The following NDUFA8 variants were observed in gnomAD, a reference collection of about 807,000 sequenced individuals.
NDUFA8 encodes NADH:ubiquinone oxidoreductase subunit A8.
In NDUFA8, 16 loss-of-function variants were observed where a neutral mutation model predicts 20.9. The ratio of observed to expected loss-of-function variants is 0.77; its 90% CI spans 0.52 to 1.16. The LOEUF is 1.16. Among genes scored for constraint, NDUFA8 ranks in the 50% most tolerant of loss-of-function variants. The pLI, the probability that NDUFA8 is intolerant of heterozygous loss-of-function variation, is 0.00. For synonymous variants in NDUFA8, 70 were observed against 76.1 expected, an observed-to-expected ratio of 0.92 and a Z score of 0.41; for missense variants, 202 against 216.4, an observed-to-expected ratio of 0.93 and a Z score of 0.42.
In NDUFA8 at chr9:122,144,203, T is replaced by C. The variant is rs1564407396; in HGVS notation, c.*38A>G. 6.2e-7 allele frequency: 1 copy of C among 1,612,806 alleles called. No individual in the cohort carries two copies. Among genetic ancestry groups the C allele is most frequent in the South Asian group, 1.1e-5 (1 of 91,002 alleles). On this transcript the variant is annotated 3_prime_UTR_variant, in exon 4 of 4. Coordinates refer to ENST00000373768, the MANE Select transcript of NDUFA8 (RefSeq NM_014222.3). ...GCATGGGCGTTTTCATCAGTCGTTG[T>C]CTGAGCACATGACCGAGTGTGGGCC...
At chr9:122,139,116 GC>G (rs1828784435), downstream of NDUFA8, among the ~76,000 whole-genome samples, 1 of 152,176 alleles carries the variant, frequency 6.6e-6, no homozygotes, top group South Asian at 2.1e-4. Flanking sequence ...CCTGCATTAG[GC>G]TCTTCCACAC....
the NDUFA8 span, among the ~76,000 whole-genome samples, chr9:122,133,719 A>G: frequency 1.7e-4 from 26 of 152,346 alleles, no homozygotes; most frequent in African/African-American, 5.5e-4. Context: ...AGGGTCAGGC[A>G]GCCTTGGCCA....
chr9:122,152,793 T>C (rs926351659), intron 1 of NDUFA8, among the ~76,000 whole-genome samples: 1 of 152,122 alleles, frequency 6.6e-6, no homozygotes, highest in African/African-American at 2.4e-5. Context: ...ACTTTTACAA[T>C]AGTCTCATGA....
downstream of NDUFA8, among the ~76,000 whole-genome samples, chr9:122,141,084 A>C (rs1588289210): frequency 6.6e-6 from 1 of 152,360 alleles, no homozygotes; most frequent in East Asian, 1.9e-4. Flanking sequence ...GCTACGGGGA[A>C]GGACTGTTTC....
intron 3 of NDUFA8, among the ~76,000 whole-genome samples, chr9:122,145,513 C>T (rs1828892871): frequency 6.6e-6 from 1 of 151,736 alleles, no homozygotes; most frequent in African/African-American, 2.4e-5. Flanking sequence ...ACTCTTAAGT[C>T]ACCTCATGTA....
At position 122,150,461 on chromosome 9, in the gene NDUFA8, T is replaced by C. The variant is rs537047261; in HGVS notation, c.215+1784A>G. On this transcript the variant is annotated intron_variant, in intron 2 of 3. Transcript: ENST00000373768. ...AAGCAATACAGTTCAAGAGCCATAA[T>C]GATGTTCAAAGCCCTTTATAGAGTA... is the stretch of plus-strand genomic sequence containing the variant. Among the ~76,000 whole-genome samples, 69 of 126,380 alleles carry C rather than the reference T, an allele frequency of 5.5e-4. 1 individual carries two copies. The highest frequency in any genetic ancestry group is 9.7e-4 in the Admixed American group (12 of 12,356). 82.9% of individuals were successfully genotyped at this position (126,380 alleles called of 152,430 possible).
intron 1 of NDUFA8, among the ~76,000 whole-genome samples, chr9:122,158,994 T>C (rs897695089): frequency 2.0e-5 from 3 of 152,266 alleles, no homozygotes; most frequent in South Asian, 4.1e-4. Flanking sequence ...TGCCTCTTTA[T>C]GTGTCTGTCT....
chr9:122,139,301 G>A (rs1035829089), downstream of NDUFA8, among the ~76,000 whole-genome samples: 1 of 152,300 alleles, frequency 6.6e-6, no homozygotes, highest in African/African-American at 2.4e-5. Flanking sequence ...AGCTCAAACT[G>A]CGCTTGCTCT....
rs1554800482 is a variant in NDUFA8, at chr9:122,159,693, G to A, written c.-16C>T. On this transcript the variant is annotated 5_prime_UTR_variant, in exon 1 of 4. Transcript: ENST00000373768. Reference sequence around the variant, plus strand: ...TCCCCGGCATGACGGCTGCAGCCCCGACCCCGACGAGAAGCCCTCAGCCGC... The same window carrying A: ...TCCCCGGCATGACGGCTGCAGCCCCAACCCCGACGAGAAGCCCTCAGCCGC... 3 of 1,614,048 alleles carry A rather than the reference G, an allele frequency of 1.9e-6. No individual in the cohort carries two copies. Among genetic ancestry groups the A allele is most frequent in the South Asian group, 2.2e-5 (2 of 91,070 alleles).
intron 2 of NDUFA8, among the ~76,000 whole-genome samples, chr9:122,149,104 C>T (rs1446159907): frequency 5.3e-5 from 8 of 152,166 alleles, no homozygotes; most frequent in Non-Finnish European, 1.0e-4. Context: ...ACCTCTTTCT[C>T]CCAATGAAAT....
the NDUFA8 span, among the ~76,000 whole-genome samples, chr9:122,137,170 A>C: frequency 6.6e-6 from 1 of 152,092 alleles, no homozygotes; most frequent in Admixed American, 6.5e-5. Flanking sequence ...AAGCCCTCAT[A>C]ATAATCCTCT....
rs1828861151 is a variant in NDUFA8, at chr9:122,144,089, G to A, written c.*152C>T. ...TTAAAAATTTTAATGGACAGGAAAT[G>A]GTATAGAATAACTGCCAAGTCACAT... is the stretch of plus-strand genomic sequence containing the variant. On this transcript the variant is annotated 3_prime_UTR_variant, in exon 4 of 4. Coordinates refer to ENST00000373768, the MANE Select transcript of NDUFA8 (RefSeq NM_014222.3). 6.6e-7 allele frequency: 1 copy of A among 1,506,560 alleles called. No homozygotes were observed. The highest frequency in any genetic ancestry group is 8.9e-7 in the Non-Finnish European group (1 of 1,128,914). The allele number at this position is 1,506,560 out of a possible 1,614,324, so 93.3% of individuals were successfully genotyped here. A position where few individuals can be genotyped will look rare whatever the true frequency, so the allele number is the denominator to read the frequency against.
At chr9:122,139,588 C>T (rs1828791284), downstream of NDUFA8, among the ~76,000 whole-genome samples, 1 of 152,214 alleles carries the variant, frequency 6.6e-6, no homozygotes, top group Admixed American at 6.5e-5. Context: ...CTAGCTGCAA[C>T]TACACCCCCT....
intron 1 of NDUFA8, among the ~76,000 whole-genome samples, chr9:122,159,210 T>C (rs1055313300): frequency 6.6e-6 from 1 of 152,156 alleles, no homozygotes; most frequent in African/African-American, 2.4e-5. Context: ...CTCTATGCAC[T>C]CTGCACCGGT....
intron 2 of NDUFA8, among the ~76,000 whole-genome samples, 187 bp from the exon 3 acceptor site, chr9:122,148,464 A>G (rs1828940848): frequency 2.6e-5 from 4 of 152,208 alleles, no homozygotes; most frequent in Admixed American, 2.0e-4. Context: ...AGTAAACAAA[A>G]AAGATTTCTG....
intron 2 of NDUFA8, among the ~76,000 whole-genome samples, chr9:122,150,544 C>T (rs550592949): frequency 2.2e-4 from 33 of 150,880 alleles, no homozygotes; most frequent in Non-Finnish European, 4.0e-4. Context: ...ATGATCTATA[C>T]GCAAAGGTAA....
chr9:122,153,263 T>C (rs1321051971), intron 1 of NDUFA8, among the ~76,000 whole-genome samples: 2 of 116,424 alleles, frequency 1.7e-5, no homozygotes, highest in Non-Finnish European at 4.2e-5. Context: ...CAAGACTCTG[T>C]CTCAAAAAAA....
At chr9:122,155,667 C>T (rs1297255787) in intron 1 of NDUFA8, among the ~76,000 whole-genome samples, 1 of 152,032 alleles carries the variant, frequency 6.6e-6, no homozygotes, top group African/African-American at 2.4e-5. Context: ...TGTTTTATTA[C>T]CTATAAACAG....
intron 1 of NDUFA8, among the ~76,000 whole-genome samples, chr9:122,153,153 G>A (rs914982201): frequency 4.0e-5 from 6 of 151,882 alleles, no homozygotes; most frequent in South Asian, 2.1e-4. Context: ...TGTAATCCCA[G>A]CTACTAGGGA....
Sources: allele counts gnomAD v4.1 joint callset (sites outside exome capture counted in the v4.1 genomes callset), GRCh38; gene constraint gnomAD v4.1.1; transcripts MANE v1.5; gene names NCBI Gene and HGNC (gene_info 2026-07-23, HGNC 2026-07-21).